Variants in CLTA observed in about 807,000 individuals in gnomAD.
CLTA encodes the protein clathrin, light polypeptide (Lca).
Under a neutral mutation model 26.9 loss-of-function variants are expected in CLTA, and 9 were observed. The observed-to-expected ratio is 0.33, with a 90% CI of 0.20 to 0.58. CLTA has a LOEUF of 0.58. Among genes scored for constraint, CLTA ranks in the 20% least tolerant of loss-of-function variants. The probability of loss-of-function intolerance (pLI) is 0.85; values close to 1 mark genes in which losing one functional copy is unlikely to be tolerated. For missense variants in CLTA, 278 were observed against 294.2 expected (o/e 0.94, Z 0.40); for synonymous variants, 120 against 115.5 (o/e 1.04, Z -0.25).
intron 4 of CLTA, among the ~76,000 whole-genome samples, chr9:36,204,560 C>T (rs1411565927): frequency 6.6e-6 from 1 of 152,140 alleles, no homozygotes; most frequent in Admixed American, 6.5e-5. Context: ...CTCAATATAG[C>T]CCTGCCCCCT....
chr9:36,206,307 C>G (rs1459613892), intron 4 of CLTA, among the ~76,000 whole-genome samples: 1 of 152,106 alleles, frequency 6.6e-6, no homozygotes, highest in Admixed American at 6.5e-5. Flanking sequence ...GAGCATAACG[C>G]TAGTGGCACA....
In CLTA at chr9:36,197,997, CTTTTTTTTTT is replaced by C. The variant is rs11308341; in HGVS notation, c.255+421_255+430del. Among the ~76,000 whole-genome samples the C allele has an allele frequency of 8.6e-3, 894 of 104,250 alleles. 10 individuals are homozygous for C. The highest frequency in any genetic ancestry group is 0.03 in the African/African-American group (839 of 27,830). 68.4% of individuals were successfully genotyped at this position (104,250 alleles called of 152,430 possible). ...TGTAAAGATTAACATTTATTTGAGT[CTTTTTTTTTT>C]TTTTTTTTTTTGAGACAGTCTCACT... On this transcript the variant is annotated intron_variant, in intron 2 of 4. Transcript: ENST00000345519.
rs1403778311 is a variant in CLTA at position 36,211,985 on chromosome 9, G to A, written c.*211G>A. The A allele has an allele frequency of 1.4e-6, 1 of 690,436 alleles. No individual in the cohort carries two copies. Among genetic ancestry groups the A allele is most frequent in the South Asian group, 1.5e-5 (1 of 66,016 alleles). The allele number at this position is 690,436 out of a possible 1,614,324, so 42.8% of individuals were successfully genotyped here. On this transcript the variant is annotated 3_prime_UTR_variant, in exon 5 of 5. Transcript: ENST00000345519. Reference sequence around the variant, plus strand: ...GGGAGAGGAGGAAGAGGAAGGGGAGGGAAGCTTCCCAAGAGTAGCCTCAAC... The same window carrying A: ...GGGAGAGGAGGAAGAGGAAGGGGAGAGAAGCTTCCCAAGAGTAGCCTCAAC...
At chr9:36,210,655 A>G (rs1827987580) in intron 4 of CLTA, 1 of 1,614,202 alleles carries the variant, frequency 6.2e-7, no homozygotes, top group Non-Finnish European at 8.5e-7. Context: ...GCTACAGCCT[A>G]GAACAGTTAA....
At chr9:36,207,579 C>A (rs1827798835) in intron 4 of CLTA, among the ~76,000 whole-genome samples, 1 of 152,250 alleles carries the variant, frequency 6.6e-6, no homozygotes, top group South Asian at 2.1e-4. Context: ...GAGCCCCTTC[C>A]TGCCTTGGCT....
chr9:36,209,603 G>A (rs529696010), intron 4 of CLTA, among the ~76,000 whole-genome samples: 7 of 152,052 alleles, frequency 4.6e-5, no homozygotes, highest in Non-Finnish European at 7.4e-5. Flanking sequence ...ATCTGGGAAC[G>A]GTTTGAGGCT....
chr9:36,199,415 C>A lies in CLTA; in HGVS notation c.373+319C>A, dbSNP rs7869060. Among the ~76,000 whole-genome samples the A allele has an allele frequency of 2.8e-3, 425 of 151,906 alleles. 1 individual carries two copies. Among genetic ancestry groups the A allele is most frequent in the African/African-American group, 9.9e-3 (411 of 41,424 alleles). ...CTTGAAGGATTCAAGTTTCCTATGT[C>A]CGTGGACTTTAACAGTCCATTTTTC... On this transcript the variant is annotated intron_variant, in intron 3 of 4. Coordinates refer to ENST00000345519, the MANE Select transcript of CLTA (RefSeq NM_001833.4).
In CLTA at chr9:36,204,474, C is replaced by T. The variant is rs566676645; in HGVS notation, c.485+295C>T. ...AGTTACTTTCCATGGAACCCTGAAA[C>T]GAAAGCTGGGTGTCATGAATACACC... On this transcript the variant is annotated intron_variant, in intron 4 of 4. Transcript: ENST00000345519. 3.3e-5 allele frequency among the ~76,000 whole-genome samples: 5 copies of T among 152,260 alleles called. No individual in the cohort carries two copies. In the South Asian group the frequency reaches 1.0e-3, roughly 32 times the overall value.
intron 3 of CLTA, among the ~76,000 whole-genome samples, chr9:36,202,602 C>T (rs1187128523): frequency 6.6e-6 from 1 of 152,196 alleles, no homozygotes; most frequent in Non-Finnish European, 1.5e-5. Flanking sequence ...AATCTTGGCT[C>T]TGTCACTTAC....
Position 36,204,184 on chromosome 9 carries a change from G to T in CLTA, c.485+5G>T, listed in dbSNP as rs1443781900. The stretch of plus-strand genomic sequence containing the variant: ...GAAAACAAAAGCAAACAACAGGTCA[G>T]TCCGTGGTGGTTGTAGCACACTTTG... On this transcript the variant is annotated splice_donor_5th_base_variant and intron_variant, in intron 4 of 4. Transcript: ENST00000345519. The T allele has an allele frequency of 1.2e-6, 2 of 1,611,316 alleles. No homozygotes were observed. Among genetic ancestry groups the T allele is most frequent in the Non-Finnish European group, 1.7e-6 (2 of 1,178,650 alleles).
chr9:36,196,194 C>A (rs1827019014), intron 1 of CLTA, among the ~76,000 whole-genome samples: 1 of 151,382 alleles, frequency 6.6e-6, no homozygotes, highest in African/African-American at 2.4e-5. Flanking sequence ...GCAAGAGAAT[C>A]ACTTGAACAA....
intron 1 of CLTA, among the ~76,000 whole-genome samples, chr9:36,196,246 G>C (rs1827021405): frequency 6.6e-6 from 1 of 151,256 alleles, no homozygotes. Flanking sequence ...TTGCACCACT[G>C]TACTCTAGCC....
chr9:36,209,296 C>A, intron 4 of CLTA: 1 of 1,613,816 alleles, frequency 6.2e-7, no homozygotes, highest in Non-Finnish European at 8.5e-7. Flanking sequence ...TACAAACAAC[C>A]CTTCGCTGAC....
At position 36,190,942 on chromosome 9, in the gene CLTA, T is replaced by A; in HGVS notation, c.-115T>A. ...GCTTCCGCTTTACCCGTCTCCCTCC[T>A]GGCGCTTGTCCTCCTCTCCCAGTCG... On this transcript the variant is annotated 5_prime_UTR_variant, in exon 1 of 5. Transcript: ENST00000345519. 2 of 1,425,218 alleles carry A rather than the reference T, an allele frequency of 1.4e-6. No homozygotes were observed. The highest frequency in any genetic ancestry group is 1.8e-6 in the Non-Finnish European group (2 of 1,097,060). The allele number at this position is 1,425,218 out of a possible 1,614,324, so 88.3% of individuals were successfully genotyped here.
At chr9:36,210,770 C>T (rs1827994590) in intron 4 of CLTA, 1 of 1,251,946 alleles carries the variant, frequency 8.0e-7, no homozygotes, top group African/African-American at 1.5e-5. Context: ...GTGATAGTGC[C>T]ACCCCTCCGT....
At chr9:36,204,046 T>C in intron 3 of CLTA, 22 bp from the exon 4 acceptor site, 1 of 1,613,554 alleles carries the variant, frequency 6.2e-7, no homozygotes. Context: ...TTGTATTGTC[T>C]TTCTCTTCTC....
chr9:36,194,000 CAG>C (rs1318669189), intron 1 of CLTA, among the ~76,000 whole-genome samples: 3 of 152,232 alleles, frequency 2.0e-5, no homozygotes, highest in African/African-American at 7.2e-5. Flanking sequence ...AGACAAGCCA[CAG>C]AGAGAGTACA....
chr9:36,211,406 C>T (rs609025), intron 4 of CLTA, 197 bp from the exon 5 acceptor site: 86 of 174,868 alleles, frequency 4.9e-4, no homozygotes, highest in African/African-American at 2.0e-3. Flanking sequence ...TTTTACACAG[C>T]GGTCTGGGCA....
At chr9:36,210,042 C>A (rs138004259) in intron 4 of CLTA, among the ~76,000 whole-genome samples, 3 of 152,282 alleles carry the variant, frequency 2.0e-5, no homozygotes, top group East Asian at 1.9e-4. Context: ...CCTGACCCCC[C>A]CAAAAGAAAC....
Sources: gnomAD v4.1 joint callset for allele counts (sites outside exome capture counted in the v4.1 genomes callset) on GRCh38, gnomAD v4.1.1 for gene constraint, MANE v1.5 for transcripts, NCBI Gene and HGNC (gene_info 2026-07-23, HGNC 2026-07-21) for gene names.